CDH18: variants seen among roughly 807,000 people sequenced by gnomAD.
CDH18 encodes cadherin-18.
Under a neutral mutation model 67.9 loss-of-function variants are expected in CDH18, and 31 were observed. The observed-to-expected ratio is 0.46, with a 90% CI of 0.34 to 0.62. The LOEUF (loss-of-function observed/expected upper bound fraction) is 0.62, where lower values mean the gene tolerates loss of function less well. Ranked by LOEUF, CDH18 falls within the 20% of genes least tolerant of loss-of-function variation. CDH18 has a pLI of 0.01. For missense variants in CDH18, 890 were observed against 975.5 expected (o/e 0.91, Z 1.17); for synonymous variants, 362 against 347.2 (o/e 1.04, Z -0.48).
chr5:19,537,336 G>A (rs1338036757), intron 9 of CDH18, among the ~76,000 whole-genome samples: 5 of 152,032 alleles, frequency 3.3e-5, no homozygotes, highest in African/African-American at 1.2e-4. Flanking sequence ...AATCATGTGA[G>A]CCAATTTTTT....
At chr5:20,415,634 A>G (rs1580948025) in intron 1 of CDH18, among the ~76,000 whole-genome samples, 1 of 151,668 alleles carries the variant, frequency 6.6e-6, no homozygotes, top group South Asian at 2.1e-4. Flanking sequence ...TTAGCCAGGC[A>G]TGGTGGTGGG....
chr5:20,252,111 T>C (rs1351559579), intron 2 of CDH18, among the ~76,000 whole-genome samples: 1 of 152,160 alleles, frequency 6.6e-6, no homozygotes, highest in Admixed American at 6.5e-5. Flanking sequence ...TTAATCACTT[T>C]GGGAGGCTGA....
At chr5:20,534,334 TAATC>T (rs1756587794) in intron 1 of CDH18, among the ~76,000 whole-genome samples, 1 of 152,206 alleles carries the variant, frequency 6.6e-6, no homozygotes, top group Non-Finnish European at 1.5e-5. Context: ...TATAGCTTGA[TAATC>T]AAAGATACTA....
intron 5 of CDH18, among the ~76,000 whole-genome samples, chr5:19,662,987 T>C (rs1013071390): frequency 6.6e-6 from 1 of 151,980 alleles, no homozygotes; most frequent in African/African-American, 2.4e-5. Flanking sequence ...CCGCTTAAAG[T>C]TCCTGTTTTG....
intron 1 of CDH18, among the ~76,000 whole-genome samples, chr5:20,468,245 A>C (rs1001443668): frequency 6.6e-6 from 1 of 151,984 alleles, no homozygotes; most frequent in African/African-American, 2.4e-5. Context: ...TGAAATCCTG[A>C]CCTCAAGTGA....
intron 10 of CDH18, among the ~76,000 whole-genome samples, chr5:19,517,306 C>T (rs1746184137): frequency 6.6e-6 from 1 of 152,004 alleles, no homozygotes; most frequent in South Asian, 2.1e-4. Flanking sequence ...GTATTTTGCC[C>T]ATTTTCAAAT....
chr5:19,847,432 T>C (rs530202937), intron 2 of CDH18, among the ~76,000 whole-genome samples: 4 of 152,134 alleles, frequency 2.6e-5, no homozygotes, highest in Non-Finnish European at 5.9e-5. Context: ...AGTTGTATTA[T>C]TCAGATCCCA....
intron 8 of CDH18, among the ~76,000 whole-genome samples, chr5:19,569,150 G>C (rs1740934272): frequency 6.6e-6 from 1 of 152,096 alleles, no homozygotes. Flanking sequence ...ATTGCTGCCA[G>C]GATTAATTTC....
intron 1 of CDH18, among the ~76,000 whole-genome samples, chr5:20,443,243 G>T (rs1749766111): frequency 7.1e-6 from 1 of 141,546 alleles, no homozygotes; most frequent in Non-Finnish European, 1.5e-5. Flanking sequence ...TATATCTTTT[G>T]CAAATAAGAG....
At chr5:19,755,454 TATATACACAC>T (rs1381608285) in intron 3 of CDH18, among the ~76,000 whole-genome samples, 15 of 19,434 alleles carry the variant, frequency 7.7e-4, no homozygotes, top group East Asian at 6.7e-3. Flanking sequence ...TATATATATA[TATATACACAC>T]ACACACACAC....
intron 9 of CDH18, among the ~76,000 whole-genome samples, chr5:19,524,926 T>C (rs1747515005): frequency 6.6e-6 from 1 of 152,120 alleles, no homozygotes; most frequent in South Asian, 2.1e-4. Flanking sequence ...ATTGTGTTTT[T>C]AGTAGAGACG....
intron 1 of CDH18, chr5:20,331,406 C>T (rs1407525910): frequency 6.6e-6 from 1 of 152,110 alleles, no homozygotes; most frequent in African/African-American, 2.4e-5. Flanking sequence ...GATATGAAAA[C>T]ACACAAGATT....
At chr5:19,734,375 T>C (rs1215149476) in intron 4 of CDH18, among the ~76,000 whole-genome samples, 2 of 152,166 alleles carry the variant, frequency 1.3e-5, no homozygotes, top group African/African-American at 4.8e-5. Flanking sequence ...CTTGTGATAT[T>C]TGTCTATTGA....
intron 1 of CDH18, among the ~76,000 whole-genome samples, chr5:20,258,719 T>C (rs1339287359): frequency 6.6e-6 from 1 of 152,168 alleles, no homozygotes. Flanking sequence ...ATTACTTTCA[T>C]ACTTACATGT....
chr5:19,860,975 GT>G (rs1443428275), intron 2 of CDH18, among the ~76,000 whole-genome samples: 2 of 152,178 alleles, frequency 1.3e-5, no homozygotes, highest in East Asian at 3.9e-4. Context: ...CCATCTGAAT[GT>G]AGGACTAAGA....
rs980216510 is a variant in CDH18 at position 19,917,184 on chromosome 5, C to T, written c.-257+63876G>A. Among the ~76,000 whole-genome samples the T allele has an allele frequency of 5.9e-5, 9 of 152,204 alleles. No individual in the cohort carries two copies. The East Asian group carries it at 1.5e-3, about 26-fold the overall frequency. On this transcript the variant is annotated intron_variant, in intron 2 of 12. Transcript: ENST00000382275. ...ACTTCTAAAAATTATTTTCTAAGAACTCACAAATTGTGGATTTTTTAAAAA... is the reference window on the plus strand; with the variant it reads ...ACTTCTAAAAATTATTTTCTAAGAATTCACAAATTGTGGATTTTTTAAAAA...
At chr5:19,887,009 G>A (rs1218155667) in intron 2 of CDH18, among the ~76,000 whole-genome samples, 1 of 151,844 alleles carries the variant, frequency 6.6e-6, no homozygotes, top group African/African-American at 2.4e-5. Context: ...ATGTATATTG[G>A]GTTGATTTAG....
intron 2 of CDH18, among the ~76,000 whole-genome samples, chr5:19,978,069 C>T (rs548623888): frequency 1.3e-5 from 2 of 151,986 alleles, no homozygotes; most frequent in Non-Finnish European, 2.9e-5. Context: ...GCAAATATTC[C>T]ATATTTTACT....
chr5:19,483,337 A>T lies in CDH18; in HGVS notation c.1846T>A (p.Leu616Ile). ...AGAACACAGAGAAGAATAGCGATTAAGGCTCCTGTACTCAAACCAGCCGAG... is the reference window on the plus strand; with the variant it reads ...AGAACACAGAGAAGAATAGCGATTATGGCTCCTGTACTCAAACCAGCCGAG... Reference protein sequence around the residue: ...LSSAGLSTGALIAILLCVLIL... With the variant: ...LSSAGLSTGAIIAILLCVLIL... Residue 616 changes from leucine (L) to isoleucine (I), a missense_variant, in exon 12 of 13, where the codon TTA becomes ATA. By Grantham distance (5) the Leu-to-Ile change is conservative. Coordinates refer to ENST00000382275, the MANE Select transcript of CDH18 (RefSeq NM_004934.5). The T allele has an allele frequency of 6.2e-7, 1 of 1,614,046 alleles. No individual in the cohort carries two copies. Among genetic ancestry groups the T allele is most frequent in the Non-Finnish European group, 8.5e-7 (1 of 1,179,966 alleles).
Sources: gnomAD v4.1 joint callset for allele counts (sites outside exome capture counted in the v4.1 genomes callset) on GRCh38, gnomAD v4.1.1 for gene constraint, MANE v1.5 for transcripts, NCBI Gene and HGNC (gene_info 2026-07-23, HGNC 2026-07-21) for gene names.